The following DGKE variants were observed in gnomAD, a reference collection of about 807,000 sequenced individuals.
The protein encoded by DGKE is diacylglycerol kinase epsilon, also known as DAG kinase epsilon.
DGKE carries 53 observed loss-of-function variants against 70.0 expected under a neutral mutation model. The observed-to-expected ratio is 0.76, with a 90% CI of 0.61 to 0.95. The LOEUF (loss-of-function observed/expected upper bound fraction) is 0.95, where lower values mean the gene tolerates loss of function less well. Among genes scored for constraint, DGKE ranks in the 40% least tolerant of loss-of-function variants. The probability of loss-of-function intolerance (pLI) is 0.00; values close to 1 mark genes in which losing one functional copy is unlikely to be tolerated. For missense variants in DGKE, 655 were observed against 706.9 expected, an observed-to-expected ratio of 0.93 and a Z score of 0.83; for synonymous variants, 291 against 257.0, an observed-to-expected ratio of 1.13 and a Z score of -1.27.
At chr17:56,848,613 T>C (rs1907454696) in intron 5 of DGKE, 83 bp from the exon 6 acceptor site, 1 of 1,368,126 alleles carries the variant, frequency 7.3e-7, no homozygotes, top group South Asian at 1.3e-5. Flanking sequence ...CCTTACTGTT[T>C]TGGTCTTATT....
intron 2 of DGKE, among the ~76,000 whole-genome samples, chr17:56,842,382 A>C (rs1408793891): frequency 6.6e-6 from 1 of 152,174 alleles, no homozygotes; most frequent in African/African-American, 2.4e-5. Context: ...CCTCAGTCCT[A>C]CTTTTCTTCC....
chr17:56,840,358 A>C (rs1906897012), intron 2 of DGKE, among the ~76,000 whole-genome samples: 1 of 151,890 alleles, frequency 6.6e-6, no homozygotes, highest in Admixed American at 6.6e-5. Context: ...TTAATGCAGT[A>C]GTTTGTTTTG....
Position 56,865,016 on chromosome 17 carries a change from C to T in DGKE, c.*2225C>T, listed in dbSNP as rs1191579283. Reference sequence around the variant, plus strand: ...CTGCTGGCTTATTCACTTATTTAGACTTCATTTAGGGAAGCTATTTCAGAA... The same window carrying T: ...CTGCTGGCTTATTCACTTATTTAGATTTCATTTAGGGAAGCTATTTCAGAA... On this transcript the variant is annotated 3_prime_UTR_variant, in exon 12 of 12. Coordinates refer to ENST00000284061, the MANE Select transcript of DGKE (RefSeq NM_003647.3). The T allele has an allele frequency of 1.3e-5, 2 of 152,042 alleles. No homozygotes were observed. Among genetic ancestry groups the T allele is most frequent in the African/African-American group, 4.8e-5 (2 of 41,406 alleles). 9.4% of individuals were successfully genotyped at this position (152,042 alleles called of 1,614,324 possible).
rs561318195 is a variant in DGKE at position 56,866,855 on chromosome 17, A to G, written c.*4064A>G. 1.3e-5 allele frequency: 2 copies of G among 152,374 alleles called. No homozygotes were observed. Among genetic ancestry groups the G allele is most frequent in the South Asian group, 2.1e-4 (1 of 4,828 alleles). 9.4% of individuals were successfully genotyped at this position (152,374 alleles called of 1,614,324 possible). ...TTTTATAAAGGGTTTGAAAGCCACTACTATAATGACTTTGTCACCTAATTG... is the reference window on the plus strand; with the variant it reads ...TTTTATAAAGGGTTTGAAAGCCACTGCTATAATGACTTTGTCACCTAATTG... On this transcript the variant is annotated 3_prime_UTR_variant, in exon 12 of 12. Transcript: ENST00000284061.
At chr17:56,836,334 A>G (rs1377546318) in intron 2 of DGKE, 1 of 152,358 alleles carries the variant, frequency 6.6e-6, no homozygotes, top group Admixed American at 6.5e-5. Flanking sequence ...AATGTTCAAA[A>G]TAATGTATTC....
chr17:56,860,247 T>C (rs771200473), intron 9 of DGKE, among the ~76,000 whole-genome samples: 2 of 152,170 alleles, frequency 1.3e-5, no homozygotes, highest in African/African-American at 4.8e-5. Flanking sequence ...AAGAAAGATA[T>C]TTAAGCCAGT....
At chr17:56,836,588 A>ATCATGCTTCTGATCC (rs1302903184) in intron 2 of DGKE, 2 of 152,186 alleles carry the variant, frequency 1.3e-5, no homozygotes, top group African/African-American at 4.8e-5. Context: ...TGAACACATA[A>ATCATGCTTCTGATCC]TCATGCTTCT....
intron 11 of DGKE, 56 bp downstream of exon 11, chr17:56,862,307 T>A: frequency 6.7e-7 from 1 of 1,488,976 alleles, no homozygotes; most frequent in Non-Finnish European, 9.3e-7. Flanking sequence ...TCTAAGCTGT[T>A]GATATGTAAA....
chr17:56,865,292 TA>T lies in DGKE; in HGVS notation c.*2503del, dbSNP rs1908486126. The T allele has an allele frequency of 6.6e-6, 1 of 152,180 alleles. No individual in the cohort carries two copies. Among genetic ancestry groups the T allele is most frequent in the Non-Finnish European group, 1.5e-5 (1 of 68,008 alleles). 9.4% of individuals were successfully genotyped at this position (152,180 alleles called of 1,614,324 possible). A position where few individuals can be genotyped will look rare whatever the true frequency, so the allele number is the denominator to read the frequency against. ...TAAATTGTCTTGATATTTAAAAAAA[TA>T]ACTTCTACATTCTCAGGAAGAAATA... On this transcript the variant is annotated 3_prime_UTR_variant, in exon 12 of 12. Coordinates refer to ENST00000284061, the MANE Select transcript of DGKE (RefSeq NM_003647.3).
At chr17:56,850,041 T>G (rs1907553588) in intron 7 of DGKE, among the ~76,000 whole-genome samples, 1 of 152,076 alleles carries the variant, frequency 6.6e-6, no homozygotes, top group Non-Finnish European at 1.5e-5. Flanking sequence ...TTATTTCTGA[T>G]AATTGTTTAA....
intron 3 of DGKE, among the ~76,000 whole-genome samples, chr17:56,844,701 G>A (rs1907182769): frequency 6.6e-6 from 1 of 152,104 alleles, no homozygotes; most frequent in Non-Finnish European, 1.5e-5. Context: ...AGGGTCCCTA[G>A]AGATAAGTTT....
chr17:56,846,689 G>A lies in DGKE; in HGVS notation c.744+880G>A, dbSNP rs548759750. Among the ~76,000 whole-genome samples the A allele has an allele frequency of 2.0e-5, 3 of 151,996 alleles. No homozygotes were observed. In the South Asian group the frequency reaches 6.2e-4, roughly 32 times the overall value. On this transcript the variant is annotated intron_variant, in intron 4 of 11. Coordinates refer to ENST00000284061, the MANE Select transcript of DGKE (RefSeq NM_003647.3). ...AACCCATTGTGTAGCAATTAGAAGT[G>A]CAATAACTTTGTCCTTCCAATTTGT...
intron 2 of DGKE, chr17:56,835,645 A>G: frequency 3.3e-6 from 1 of 305,788 alleles, no homozygotes; most frequent in Non-Finnish European, 6.0e-6. Context: ...TTCAGCCGCA[A>G]AACTGATGGG....
chr17:56,851,183 G>C (rs1907626888), intron 7 of DGKE, among the ~76,000 whole-genome samples: 1 of 152,194 alleles, frequency 6.6e-6, no homozygotes, highest in South Asian at 2.1e-4. Flanking sequence ...ATCACTCAGA[G>C]AGCAGTAGTA....
chr17:56,848,434 A>G (rs1046072905), intron 5 of DGKE, among the ~76,000 whole-genome samples: 9 of 152,194 alleles, frequency 5.9e-5, no homozygotes, highest in Non-Finnish European at 1.0e-4. Flanking sequence ...CTGGGATTAC[A>G]TGGGTGAGCC....
At position 56,858,667 on chromosome 17, in the gene DGKE, T is replaced by C; in HGVS notation, c.1284+2T>C. ...AAAGATTTGAATAAAAAAGTTGAGG[T>C]AAGCTATTAACACTTTTTATTTTTT... On this transcript the variant is annotated splice_donor_variant, in intron 9 of 11. Coordinates refer to ENST00000284061, the MANE Select transcript of DGKE (RefSeq NM_003647.3). LOFTEE classifies it high-confidence loss of function. The C allele has an allele frequency of 6.3e-7, 1 of 1,594,098 alleles. No individual in the cohort carries two copies. The highest frequency in any genetic ancestry group is 8.6e-7 in the Non-Finnish European group (1 of 1,169,252).
chr17:56,854,861 C>A (rs1173301155), intron 7 of DGKE, among the ~76,000 whole-genome samples: 21 of 152,076 alleles, frequency 1.4e-4, no homozygotes, highest in Non-Finnish European at 3.1e-4. Context: ...CATTTGCTGT[C>A]AAGAAATAAG....
intron 9 of DGKE, among the ~76,000 whole-genome samples, chr17:56,859,819 A>G (rs1405307516): frequency 1.3e-5 from 2 of 152,230 alleles, no homozygotes; most frequent in East Asian, 3.8e-4. Context: ...CCTAGAACTG[A>G]TAAAATAAAT....
At position 56,864,256 on chromosome 17, in the gene DGKE, T is replaced by C. The variant is rs1357640950; in HGVS notation, c.*1465T>C. ...GACACATGGCCCAGGCTTTGTGGTC[T>C]TTCATGACATTAATCTCTGAAAGAT... On this transcript the variant is annotated 3_prime_UTR_variant, in exon 12 of 12. Transcript: ENST00000284061. 6.6e-6 allele frequency: 1 copy of C among 152,246 alleles called. No individual in the cohort carries two copies. Among genetic ancestry groups the C allele is most frequent in the Non-Finnish European group, 1.5e-5 (1 of 68,042 alleles). The allele number at this position is 152,246 out of a possible 1,614,324, so 9.4% of individuals were successfully genotyped here.
Sources: gnomAD v4.1 joint callset for allele counts (sites outside exome capture counted in the v4.1 genomes callset) on GRCh38, gnomAD v4.1.1 for gene constraint, MANE v1.5 for transcripts, NCBI Gene and HGNC (gene_info 2026-07-23, HGNC 2026-07-21) for gene names.